The following SPAG16 variants were observed in gnomAD, a reference collection of about 807,000 sequenced individuals.
The protein encoded by SPAG16 is sperm associated antigen 16.
A neutral mutation model predicts 80.4 loss-of-function variants in SPAG16; 86 were observed. That is an observed-to-expected ratio of 1.07 (90% CI 0.90 to 1.28). The LOEUF (loss-of-function observed/expected upper bound fraction) is 1.28, where lower values mean the gene tolerates loss of function less well. SPAG16 is among the 50% of genes most tolerant of loss of function. The pLI is 0.00. For missense variants in SPAG16, 870 were observed against 765.3 expected (o/e 1.14, Z -1.61); for synonymous variants, 294 against 265.9 (o/e 1.11, Z -1.03).
chr2:213,814,034 C>T (rs1043355843), intron 10 of SPAG16, among the ~76,000 whole-genome samples: 3 of 151,754 alleles, frequency 2.0e-5, no homozygotes, highest in African/African-American at 7.3e-5. Context: ...AGAGAGAGAT[C>T]GGTAGGGTGA....
At chr2:214,407,738 C>G (rs1397214966) in intron 15 of SPAG16, among the ~76,000 whole-genome samples, 2 of 152,092 alleles carry the variant, frequency 1.3e-5, no homozygotes, top group Non-Finnish European at 2.9e-5. Flanking sequence ...CTCTCTCAAA[C>G]CAATTGGATA....
intron 10 of SPAG16, among the ~76,000 whole-genome samples, chr2:213,634,740 A>G (rs1220877862): frequency 2.6e-5 from 4 of 152,082 alleles, no homozygotes; most frequent in Admixed American, 6.5e-5. Flanking sequence ...GTAGACTTTT[A>G]TCTGTCATCC....
chr2:213,723,797 C>G (rs995466896), intron 10 of SPAG16, among the ~76,000 whole-genome samples: 6 of 152,114 alleles, frequency 3.9e-5, no homozygotes, highest in African/African-American at 1.4e-4. Flanking sequence ...TTCACAGACT[C>G]TCGGTTTGTA....
chr2:213,954,343 T>A (rs1305256325), intron 12 of SPAG16, among the ~76,000 whole-genome samples: 6 of 152,132 alleles, frequency 3.9e-5, no homozygotes. Context: ...TGTTGTAGTA[T>A]GTATCAATAG....
chr2:213,683,746 A>T (rs1351717435), intron 10 of SPAG16, among the ~76,000 whole-genome samples: 1 of 152,080 alleles, frequency 6.6e-6, no homozygotes, highest in Non-Finnish European at 1.5e-5. Context: ...CTTAATACTG[A>T]TTCTGTATGC....
intron 10 of SPAG16, among the ~76,000 whole-genome samples, chr2:213,621,755 T>A (rs1236932030): frequency 6.6e-6 from 1 of 152,236 alleles, no homozygotes; most frequent in Admixed American, 6.5e-5. Flanking sequence ...TTTGAATCTT[T>A]AGAATATTTA....
At chr2:214,213,234 A>G (rs1435278246) in intron 15 of SPAG16, among the ~76,000 whole-genome samples, 1 of 152,198 alleles carries the variant, frequency 6.6e-6, no homozygotes, top group African/African-American at 2.4e-5. Context: ...TAATACCTTT[A>G]TTCCTAATCC....
chr2:213,761,814 C>T (rs535122280), intron 10 of SPAG16, among the ~76,000 whole-genome samples: 90 of 151,836 alleles, frequency 5.9e-4, no homozygotes, highest in African/African-American at 1.9e-3. Flanking sequence ...TGCAGTGAGC[C>T]GAGATCGTGC....
intron 10 of SPAG16, among the ~76,000 whole-genome samples, chr2:213,849,314 AC>A (rs1484084636): frequency 6.6e-6 from 1 of 151,920 alleles, no homozygotes; most frequent in East Asian, 1.9e-4. Context: ...TGAAGGATCC[AC>A]CCCCATGGCC....
At chr2:214,043,166 T>G (rs1462148276) in intron 13 of SPAG16, among the ~76,000 whole-genome samples, 7 of 151,764 alleles carry the variant, frequency 4.6e-5, no homozygotes, top group Non-Finnish European at 7.4e-5. Context: ...ATGACAACCT[T>G]GAGATCACCT....
At chr2:213,539,917 T>C (rs2076374446) in intron 10 of SPAG16, among the ~76,000 whole-genome samples, 1 of 152,184 alleles carries the variant, frequency 6.6e-6, no homozygotes, top group Non-Finnish European at 1.5e-5. Context: ...ACTATTTTAA[T>C]GTACTGACAT....
intron 15 of SPAG16, among the ~76,000 whole-genome samples, chr2:214,271,407 A>C (rs1691990167): frequency 6.6e-6 from 1 of 152,196 alleles, no homozygotes; most frequent in Non-Finnish European, 1.5e-5. Flanking sequence ...TAGTTTATGC[A>C]AAAGTTCATA....
At chr2:213,923,037 T>C (rs2078295983) in intron 11 of SPAG16, among the ~76,000 whole-genome samples, 1 of 152,154 alleles carries the variant, frequency 6.6e-6, no homozygotes, top group South Asian at 2.1e-4. Flanking sequence ...CATCTGGCTA[T>C]GGGAGGCAGG....
At chr2:214,084,170 C>T (rs1315114226) in intron 13 of SPAG16, among the ~76,000 whole-genome samples, 5 of 152,160 alleles carry the variant, frequency 3.3e-5, no homozygotes, top group Admixed American at 3.3e-4. Flanking sequence ...TACCTCTTCA[C>T]AAGGGAAAGA....
intron 12 of SPAG16, among the ~76,000 whole-genome samples, chr2:214,012,275 TATATATA>T (rs1263641621): frequency 2.8e-4 from 14 of 50,362 alleles, no homozygotes; most frequent in Non-Finnish European, 5.3e-4. Context: ...TATATATATA[TATATATA>T]TATATATTTT....
At chr2:213,340,386 T>TAC (rs2064621401) in intron 6 of SPAG16, 116 bp downstream of exon 6, 3 of 745,508 alleles carry the variant, frequency 4.0e-6, no homozygotes, top group East Asian at 5.6e-5. Context: ...GAGCATAAGA[T>TAC]GAGTAAGTTG....
intron 10 of SPAG16, among the ~76,000 whole-genome samples, chr2:213,549,608 C>G (rs957769403): frequency 2.1e-4 from 32 of 152,152 alleles, no homozygotes; most frequent in Admixed American, 2.1e-3. Context: ...GTCCAACATT[C>G]TCCATGTGGA....
chr2:214,086,341 G>A (rs2051749634), intron 13 of SPAG16, among the ~76,000 whole-genome samples: 1 of 152,198 alleles, frequency 6.6e-6, no homozygotes, highest in Admixed American at 6.5e-5. Context: ...TACCAAGCAA[G>A]AAGTAAGCAC....
At position 213,910,875 on chromosome 2, in the gene SPAG16, G is replaced by T. The variant is rs528561095; in HGVS notation, c.1215-19085G>T. ...CCATATTTCCAAATAAAGACAGTAA[G>T]TTTCAGAGATGGTAAATGTAAATAT... On this transcript the variant is annotated intron_variant, in intron 11 of 15. Transcript: ENST00000331683. Among the ~76,000 whole-genome samples the T allele has an allele frequency of 3.0e-4, 46 of 152,238 alleles. No individual in the cohort carries two copies. The South Asian group carries it at 9.5e-3, about 32-fold the overall frequency.
Sources: gnomAD v4.1 joint callset for allele counts (sites outside exome capture counted in the v4.1 genomes callset) on GRCh38, gnomAD v4.1.1 for gene constraint, MANE v1.5 for transcripts, NCBI Gene and HGNC (gene_info 2026-07-23, HGNC 2026-07-21) for gene names.